SHB: variants seen among roughly 807,000 people sequenced by gnomAD.
The protein encoded by SHB is SH2 domain containing adaptor protein B.
Under a neutral mutation model 52.3 loss-of-function variants are expected in SHB, and 20 were observed. The ratio of observed to expected loss-of-function variants is 0.38; its 90% confidence interval spans 0.27 to 0.56. SHB has a LOEUF of 0.56. Among genes scored for constraint, SHB ranks in the 20% least tolerant of loss-of-function variants. The pLI is 0.71. For synonymous variants in SHB, 397 were observed against 316.5 expected (o/e 1.25, Z -2.70); for missense variants, 825 against 723.3 (o/e 1.14, Z -1.61).
At chr9:38,051,790 T>C (rs73646140) in intron 1 of SHB, among the ~76,000 whole-genome samples, 4 of 152,092 alleles carry the variant, frequency 2.6e-5, no homozygotes, top group Non-Finnish European at 4.4e-5. Context: ...CCGGTCAGAG[T>C]GGCCCTCTGA....
At chr9:37,946,586 C>A (rs375496480) in intron 5 of SHB, among the ~76,000 whole-genome samples, 6 of 152,162 alleles carry the variant, frequency 3.9e-5, no homozygotes, top group Admixed American at 6.5e-5. Flanking sequence ...AGTGCCAGCC[C>A]GGCAGGACCT....
intron 1 of SHB, among the ~76,000 whole-genome samples, chr9:38,060,432 A>C (rs564647259): frequency 2.6e-5 from 4 of 152,252 alleles, no homozygotes; most frequent in South Asian, 4.1e-4. Flanking sequence ...TGGCCTCCCA[A>C]TGTGCTGGGA....
chr9:38,014,683 T>C (rs1286220794), intron 2 of SHB, among the ~76,000 whole-genome samples: 1 of 152,242 alleles, frequency 6.6e-6, no homozygotes, highest in Non-Finnish European at 1.5e-5. Flanking sequence ...CACTGCTCTC[T>C]GCCCTGGCCC....
rs1832155379 is a variant in SHB, at chr9:37,919,873, T to C, written c.1478A>G (p.Lys493Arg). The change falls in exon 6 of 6, where the codon AAA (lysine) becomes AGA (arginine). Residue 493 changes from lysine (K) to arginine (R), a missense_variant. By Grantham distance (26) the Lys-to-Arg change is conservative. Coordinates refer to ENST00000377707, the MANE Select transcript of SHB (RefSeq NM_003028.3). ...HYYTTRKLPI[K>R]GAEHLSLLYP... ...GAGGAGGGACAAGTGCTCAGCCCCT[T>C]TGATGGGTAGCTTTCTGGTGGTGTA... The C allele has an allele frequency of 6.2e-7, 1 of 1,614,102 alleles. No homozygotes were observed.
chr9:38,031,649 G>A (rs899333728), intron 1 of SHB, among the ~76,000 whole-genome samples: 11 of 152,084 alleles, frequency 7.2e-5, no homozygotes, highest in African/African-American at 2.4e-4. Context: ...TGTCCCTTCC[G>A]CTTTAAGGGG....
intron 1 of SHB, among the ~76,000 whole-genome samples, chr9:38,067,027 AG>A (rs1301389285): frequency 4.6e-5 from 7 of 152,128 alleles, no homozygotes; most frequent in Non-Finnish European, 1.5e-5. Context: ...TTATGGGGGA[AG>A]GGAGGGCTTC....
At chr9:38,015,962 C>A in intron 2 of SHB, 49 bp downstream of exon 2, 2 of 1,600,582 alleles carry the variant, frequency 1.2e-6, no homozygotes, top group South Asian at 1.1e-5. Context: ...CACTCCCTTT[C>A]TACCCCTACA....
At chr9:37,974,897 T>C (rs1820637114) in intron 2 of SHB, 60 bp from the exon 3 acceptor site, 1 of 1,385,682 alleles carries the variant, frequency 7.2e-7, no homozygotes, top group African/African-American at 1.4e-5. Context: ...TCACCTGCAT[T>C]CCCACCCAGA....
intron 1 of SHB, among the ~76,000 whole-genome samples, chr9:38,038,144 C>T (rs1302246496): frequency 6.6e-6 from 1 of 152,168 alleles, no homozygotes; most frequent in Non-Finnish European, 1.5e-5. Flanking sequence ...ATCCTACGCC[C>T]CATGCATGTG....
intron 5 of SHB, among the ~76,000 whole-genome samples, chr9:37,936,338 G>A (rs558219922): frequency 9.2e-5 from 14 of 152,326 alleles, no homozygotes; most frequent in African/African-American, 3.4e-4. Flanking sequence ...CACAGACAGT[G>A]GTTAATCACA....
Position 37,919,756 on chromosome 9 carries a change from G to C in SHB, c.*65C>G. Reference sequence around the variant, plus strand: ...GCCAGCAACAGTGGCTGGGCTGGTTGGTGGGGGGCCTCTGGCACCTCCAAG... The same window carrying C: ...GCCAGCAACAGTGGCTGGGCTGGTTCGTGGGGGGCCTCTGGCACCTCCAAG... On this transcript the variant is annotated 3_prime_UTR_variant, in exon 6 of 6. Transcript: ENST00000377707. 7.6e-7 allele frequency: 1 copy of C among 1,323,658 alleles called. No homozygotes were observed. Among genetic ancestry groups the C allele is most frequent in the Non-Finnish European group, 1.1e-6 (1 of 927,472 alleles). The allele number at this position is 1,323,658 out of a possible 1,614,324, so 82.0% of individuals were successfully genotyped here.
rs112112477 is a variant in SHB, at chr9:38,049,103, C to T, written c.717+18826G>A. 6.0e-4 allele frequency among the ~76,000 whole-genome samples: 92 copies of T among 152,346 alleles called. 2 individuals carry two copies. Among genetic ancestry groups the T allele is most frequent in the African/African-American group, 2.1e-3 (86 of 41,576 alleles). Reference sequence around the variant, plus strand: ...TAGCGCCATCTCGGCTCACTGCAGCCGTAACCTCCCAGACTTAAGTGATCC... The same window carrying T: ...TAGCGCCATCTCGGCTCACTGCAGCTGTAACCTCCCAGACTTAAGTGATCC... On this transcript the variant is annotated intron_variant, in intron 1 of 5. Coordinates refer to ENST00000377707, the MANE Select transcript of SHB (RefSeq NM_003028.3).
intron 2 of SHB, among the ~76,000 whole-genome samples, chr9:37,999,635 G>A (rs1349931139): frequency 3.3e-5 from 5 of 152,110 alleles, no homozygotes; most frequent in African/African-American, 1.2e-4. Flanking sequence ...AGAGACTGGG[G>A]ACAAACAAAG....
intron 2 of SHB, among the ~76,000 whole-genome samples, chr9:37,984,173 G>A (rs1231523997): frequency 6.6e-6 from 1 of 152,150 alleles, no homozygotes; most frequent in Non-Finnish European, 1.5e-5. Context: ...ACCACTCCTG[G>A]GGGCTTCCTT....
intron 2 of SHB, among the ~76,000 whole-genome samples, chr9:38,013,973 T>G (rs768199388): frequency 1.3e-5 from 2 of 152,332 alleles, no homozygotes; most frequent in Non-Finnish European, 2.9e-5. Flanking sequence ...TATGTCAAAG[T>G]GCCCAGCATG....
intron 3 of SHB, among the ~76,000 whole-genome samples, chr9:37,960,846 T>C (rs917876192): frequency 7.2e-5 from 11 of 152,096 alleles, no homozygotes; most frequent in Non-Finnish European, 1.5e-4. Flanking sequence ...AGAGGAGTAG[T>C]AGGAGGAACT....
At chr9:37,963,641 G>C (rs890553696) in intron 3 of SHB, among the ~76,000 whole-genome samples, 10 of 152,182 alleles carry the variant, frequency 6.6e-5, no homozygotes, top group Admixed American at 1.3e-4. Flanking sequence ...AGGTGGGTGA[G>C]AGTGGGGAGA....
chr9:38,059,835 T>G (rs149786873), intron 1 of SHB, among the ~76,000 whole-genome samples: 10 of 152,252 alleles, frequency 6.6e-5, no homozygotes, highest in African/African-American at 2.4e-4. Context: ...CAGGGAAGAA[T>G]GCACTCCTCC....
intron 2 of SHB, among the ~76,000 whole-genome samples, chr9:37,978,124 T>C (rs962363665): frequency 1.3e-5 from 2 of 152,304 alleles, no homozygotes; most frequent in Admixed American, 1.3e-4. Flanking sequence ...TCTGGGACAA[T>C]ATGCCAAATG....
Sources: gnomAD v4.1 joint callset for allele counts (sites outside exome capture counted in the v4.1 genomes callset) on GRCh38, gnomAD v4.1.1 for gene constraint, MANE v1.5 for transcripts, NCBI Gene and HGNC (gene_info 2026-07-23, HGNC 2026-07-21) for gene names.